CCDC144A: variants seen among roughly 807,000 people sequenced by gnomAD.
CCDC144A encodes coiled-coil domain-containing protein 144A.
CCDC144A carries 41 observed loss-of-function variants against 143.8 expected under a neutral mutation model. That is an observed-to-expected ratio of 0.29 (90% confidence interval 0.22 to 0.37). The LOEUF (loss-of-function observed/expected upper bound fraction) is 0.37. Ranked by LOEUF, CCDC144A falls within the 10% of genes least tolerant of loss-of-function variation. The pLI is 1.00. For missense variants in CCDC144A, 637 were observed against 1,488.8 expected, an observed-to-expected ratio of 0.43 and a Z score of 9.41; for synonymous variants, 242 against 517.9, an observed-to-expected ratio of 0.47 and a Z score of 7.23.
intron 1 of CCDC144A, among the ~76,000 whole-genome samples, chr17:16,692,096 G>A (rs2143028293): frequency 6.6e-6 from 1 of 152,256 alleles, no homozygotes; most frequent in South Asian, 2.1e-4. Flanking sequence ...ATGTATCTCA[G>A]AAATGAGAGA....
At chr17:16,753,437 T>G (rs866786532) in intron 12 of CCDC144A, among the ~76,000 whole-genome samples, 343 of 122,974 alleles carry the variant, frequency 2.8e-3, no homozygotes, top group Middle Eastern at 0.012. Context: ...AGTTTTTTTT[T>G]TTTTTTTTTT....
At chr17:16,678,487 C>G in the CCDC144A span, among the ~76,000 whole-genome samples, 17,993 of 152,014 alleles carry the variant, frequency 0.12, 1,296 homozygotes, top group East Asian at 0.32. Context: ...AACCCGAAGC[C>G]CCACCAAATG....
At chr17:16,670,097 C>T in the CCDC144A span, among the ~76,000 whole-genome samples, 1 of 151,614 alleles carries the variant, frequency 6.6e-6, no homozygotes, top group Non-Finnish European at 1.5e-5. Context: ...AGGAGAATCC[C>T]TTGAACCTGG....
At chr17:16,714,289 CTCCTTAAT>C in intron 6 of CCDC144A, among the ~76,000 whole-genome samples, 1 of 152,314 alleles carries the variant, frequency 6.6e-6, no homozygotes, top group African/African-American at 2.4e-5. Context: ...CTAGATCTCT[CTCCTTAAT>C]TCCAGACTTC....
intron 12 of CCDC144A, among the ~76,000 whole-genome samples, chr17:16,754,512 C>T (rs896137951): frequency 6.6e-6 from 1 of 152,056 alleles, no homozygotes; most frequent in Non-Finnish European, 1.5e-5. Context: ...TTGATTGGCC[C>T]AGTTGTTCAT....
chr17:16,679,861 T>C, the CCDC144A span, among the ~76,000 whole-genome samples: 1 of 152,080 alleles, frequency 6.6e-6, no homozygotes, highest in African/African-American at 2.4e-5. Flanking sequence ...TCTTAAATTA[T>C]TTTTTAAACA....
intron 8 of CCDC144A, 143 bp downstream of exon 8, chr17:16,720,801 G>A (rs1370602981): frequency 3.6e-5 from 51 of 1,398,798 alleles, no homozygotes; most frequent in Non-Finnish European, 4.5e-5. Context: ...TATACTCTAC[G>A]CCAAAGAGCT....
chr17:16,676,902 A>C, the CCDC144A span, among the ~76,000 whole-genome samples: 1 of 152,092 alleles, frequency 6.6e-6, no homozygotes, highest in Non-Finnish European at 1.5e-5. Context: ...CTGGTTTTCA[A>C]ACTCTGCTGT....
intron 1 of CCDC144A, among the ~76,000 whole-genome samples, chr17:16,691,570 G>T (rs1271679695): frequency 6.6e-6 from 1 of 151,744 alleles, no homozygotes; most frequent in African/African-American, 2.4e-5. Context: ...GAGCATCCTG[G>T]CTAACACGGT....
chr17:16,689,489 T>G (rs1017828837), upstream of CCDC144A: 1 of 153,122 alleles, frequency 6.5e-6, no homozygotes, highest in Admixed American at 6.5e-5. Flanking sequence ...CCACCGCGCC[T>G]GGCCGTCACT....
chr17:16,693,219 T>C (rs1911190732), intron 2 of CCDC144A, among the ~76,000 whole-genome samples, 170 bp downstream of exon 2: 2 of 152,104 alleles, frequency 1.3e-5, no homozygotes, highest in Admixed American at 6.5e-5. Context: ...AAAAGTTAAT[T>C]GTAGGTCATT....
intron 5 of CCDC144A, among the ~76,000 whole-genome samples, chr17:16,711,143 A>AAAAAAAAC (rs1555531712): frequency 2.2e-5 from 3 of 135,052 alleles, no homozygotes; most frequent in Non-Finnish European, 4.8e-5. Context: ...AATGAAAAAA[A>AAAAAAAAC]AAAAAAAAAA....
chr17:16,748,969 C>T (rs531295073), intron 12 of CCDC144A, among the ~76,000 whole-genome samples: 53 of 140,008 alleles, frequency 3.8e-4, no homozygotes, highest in African/African-American at 1.3e-3. Context: ...TAGATGTTCT[C>T]TGTTATTTAT....
intron 12 of CCDC144A, among the ~76,000 whole-genome samples, chr17:16,744,328 C>T (rs1172754382): frequency 6.6e-6 from 1 of 152,192 alleles, no homozygotes; most frequent in Non-Finnish European, 1.5e-5. Flanking sequence ...TTAGAATTCC[C>T]TTTTCACTGT....
intron 15 of CCDC144A, among the ~76,000 whole-genome samples, chr17:16,769,371 C>T (rs1915735095): frequency 6.6e-6 from 1 of 152,208 alleles, no homozygotes; most frequent in South Asian, 2.1e-4. Context: ...TCATTTATGG[C>T]TGGATTTAAG....
intron 8 of CCDC144A, among the ~76,000 whole-genome samples, chr17:16,726,244 G>A (rs1017083451): frequency 6.6e-6 from 1 of 151,540 alleles, no homozygotes; most frequent in Non-Finnish European, 1.5e-5. Context: ...AGCCGGGCGC[G>A]GTGGCAGGCG....
At chr17:16,752,372 G>A (rs1028755737) in intron 12 of CCDC144A, among the ~76,000 whole-genome samples, 224 of 152,238 alleles carry the variant, frequency 1.5e-3, no homozygotes, top group Non-Finnish European at 1.0e-3. Context: ...CCTGGTGCCA[G>A]AAAGGTTGGG....
At chr17:16,675,661 T>G in the CCDC144A span, among the ~76,000 whole-genome samples, 1 of 151,998 alleles carries the variant, frequency 6.6e-6, no homozygotes, top group Non-Finnish European at 1.5e-5. Flanking sequence ...TTACTGATCA[T>G]TTACCTTCCA....
At chr17:16,749,263 T>C (rs2143309425) in intron 12 of CCDC144A, among the ~76,000 whole-genome samples, 1 of 152,336 alleles carries the variant, frequency 6.6e-6, no homozygotes, top group South Asian at 2.1e-4. Context: ...CTGCTTTCGC[T>C]GTATCCCAGA....
Sources: allele counts gnomAD v4.1 joint callset (sites outside exome capture counted in the v4.1 genomes callset), GRCh38; gene constraint gnomAD v4.1.1; transcripts MANE v1.5; gene names NCBI Gene and HGNC (gene_info 2026-07-23, HGNC 2026-07-21).